The following SH3RF3 variants were observed in gnomAD, a reference collection of about 807,000 sequenced individuals.
SH3RF3 encodes SH3 domain containing ring finger 3.
A neutral mutation model predicts 66.3 loss-of-function variants in SH3RF3; 29 were observed. The ratio of observed to expected loss-of-function variants is 0.44; its 90% CI spans 0.33 to 0.60. The LOEUF is 0.60. Among genes scored for constraint, SH3RF3 ranks in the 20% least tolerant of loss-of-function variants. The pLI is 0.04. For missense variants in SH3RF3, 1,194 were observed against 1,190.9 expected, an observed-to-expected ratio of 1.00 and a Z score of -0.04; for synonymous variants, 583 against 532.0, an observed-to-expected ratio of 1.10 and a Z score of -1.32.
At chr2:109,464,284 T>C (rs1219205206) in intron 8 of SH3RF3, among the ~76,000 whole-genome samples, 4 of 152,136 alleles carry the variant, frequency 2.6e-5, no homozygotes, top group Non-Finnish European at 5.9e-5. Flanking sequence ...ATACACACAT[T>C]CATACATATA....
chr2:109,399,530 CT>C (rs1252158280), intron 4 of SH3RF3, among the ~76,000 whole-genome samples: 2 of 151,660 alleles, frequency 1.3e-5, no homozygotes, highest in Non-Finnish European at 2.9e-5. Flanking sequence ...AATCCTGGGG[CT>C]TTGGGAGGCC....
chr2:109,172,995 G>A (rs1677823642), intron 1 of SH3RF3, among the ~76,000 whole-genome samples: 1 of 152,214 alleles, frequency 6.6e-6, no homozygotes, highest in Non-Finnish European at 1.5e-5. Context: ...TTGTCTTCAC[G>A]CAGATGTCAG....
intron 1 of SH3RF3, among the ~76,000 whole-genome samples, chr2:109,151,860 T>G (rs1328857151): frequency 6.6e-6 from 1 of 152,268 alleles, no homozygotes; most frequent in Non-Finnish European, 1.5e-5. Flanking sequence ...TCCTATGATT[T>G]CCGAATTGTC....
At chr2:109,161,894 A>C (rs1336445158) in intron 1 of SH3RF3, among the ~76,000 whole-genome samples, 1 of 151,712 alleles carries the variant, frequency 6.6e-6, no homozygotes, top group Admixed American at 6.6e-5. Flanking sequence ...ACAAATATCC[A>C]AACTATAGCC....
chr2:109,317,067 T>C (rs1681902867), intron 1 of SH3RF3, among the ~76,000 whole-genome samples: 1 of 152,216 alleles, frequency 6.6e-6, no homozygotes, highest in Admixed American at 6.5e-5. Flanking sequence ...GCTATCTTGG[T>C]GGCTTCCGCA....
intron 1 of SH3RF3, among the ~76,000 whole-genome samples, chr2:109,253,434 G>T (rs535102793): frequency 6.6e-6 from 1 of 152,314 alleles, no homozygotes; most frequent in South Asian, 2.1e-4. Flanking sequence ...GGACGTGGGC[G>T]CTGCTTTCCG....
rs554907632 is a variant in SH3RF3, at chr2:109,331,258, C to T, written c.574-16416C>T. Among the ~76,000 whole-genome samples the T allele has an allele frequency of 9.2e-5, 14 of 152,204 alleles. No homozygotes were observed. The East Asian group carries it at 1.9e-3, about 21-fold the overall frequency. On this transcript the variant is annotated intron_variant, in intron 1 of 9. Coordinates refer to ENST00000309415, the MANE Select transcript of SH3RF3 (RefSeq NM_001099289.3). ...TGTACAGACCCCCACCCGCCTGTCC[C>T]GCAGGGCTGGGTGCCAGAGCAAGAT...
intron 4 of SH3RF3, among the ~76,000 whole-genome samples, chr2:109,417,015 C>T (rs929407276): frequency 3.9e-5 from 6 of 152,300 alleles, no homozygotes; most frequent in East Asian, 1.9e-4. Flanking sequence ...GGGCCAGTTC[C>T]GACTGCCAGG....
chr2:109,349,018 T>C (rs1321883239), intron 2 of SH3RF3, among the ~76,000 whole-genome samples: 1 of 152,120 alleles, frequency 6.6e-6, no homozygotes, highest in Non-Finnish European at 1.5e-5. Flanking sequence ...TGTGTCAGTA[T>C]TTCTCTCTCT....
At chr2:109,365,005 C>G (rs770941599) in intron 2 of SH3RF3, among the ~76,000 whole-genome samples, 2 of 152,070 alleles carry the variant, frequency 1.3e-5, no homozygotes, top group African/African-American at 4.8e-5. Flanking sequence ...GCAGAAGGAT[C>G]GTGAGACTCT....
intron 1 of SH3RF3, among the ~76,000 whole-genome samples, chr2:109,227,886 C>T (rs1012781678): frequency 6.6e-6 from 1 of 152,248 alleles, no homozygotes; most frequent in African/African-American, 2.4e-5. Context: ...TCTGCAACTG[C>T]AGTTCCCTGT....
chr2:109,133,954 G>A (rs1245019689), intron 1 of SH3RF3, among the ~76,000 whole-genome samples: 1 of 152,162 alleles, frequency 6.6e-6, no homozygotes, highest in Admixed American at 6.5e-5. Context: ...GACGTGGAAT[G>A]TTGGTTAGTC....
rs111657252 is a variant in SH3RF3, at chr2:109,129,934, G to A, written c.394G>A (p.Gly132Ser). 4.7e-5 allele frequency: 69 copies of A among 1,481,312 alleles called. 1 individual carries two copies. In the East Asian group the frequency reaches 1.8e-3, roughly 39 times the overall value. 91.8% of individuals were successfully genotyped at this position (1,481,312 alleles called of 1,614,324 possible). The change falls in exon 1 of 10, where the codon GGC (glycine) becomes AGC (serine). Residue 132 changes from glycine (G) to serine (S), a missense_variant. Transcript: ENST00000309415. Reference protein sequence around the residue: ...RQRPRAGTSPGGSPPARPIPG... With the variant: ...RQRPRAGTSPSGSPPARPIPG... Reference sequence around the variant, plus strand: ...GCGGCCCCGCGCGGGCACCAGCCCCGGCGGCAGCCCGCCCGCGCGTCCCAT... The same window carrying A: ...GCGGCCCCGCGCGGGCACCAGCCCCAGCGGCAGCCCGCCCGCGCGTCCCAT...
intron 1 of SH3RF3, among the ~76,000 whole-genome samples, chr2:109,225,592 C>T (rs1208454817): frequency 6.6e-6 from 1 of 152,236 alleles, no homozygotes; most frequent in East Asian, 1.9e-4. Flanking sequence ...ACGTTCCTCT[C>T]TGGGACTTCC....
At position 109,498,559 on chromosome 2, in the gene SH3RF3, T is replaced by C. The variant is rs151025203; in HGVS notation, c.2481-2944T>C. Among the ~76,000 whole-genome samples, 726 of 152,350 alleles carry C rather than the reference T, an allele frequency of 4.8e-3. 9 individuals carry two copies. Among genetic ancestry groups the C allele is most frequent in the African/African-American group, 0.017 (693 of 41,592 alleles). ...TGGGGAAGGGCAAAGGCTTCCTCCCTGAGCATGCACTCAGCTCGATTTTCA... is the reference window on the plus strand; with the variant it reads ...TGGGGAAGGGCAAAGGCTTCCTCCCCGAGCATGCACTCAGCTCGATTTTCA... On this transcript the variant is annotated intron_variant, in intron 9 of 9. Coordinates refer to ENST00000309415, the MANE Select transcript of SH3RF3 (RefSeq NM_001099289.3).
At chr2:109,367,066 C>T (rs1044110401) in intron 2 of SH3RF3, among the ~76,000 whole-genome samples, 1 of 151,012 alleles carries the variant, frequency 6.6e-6, no homozygotes, top group South Asian at 2.1e-4. Context: ...GATTCTCGTG[C>T]CTCACCCTCC....
intron 3 of SH3RF3, among the ~76,000 whole-genome samples, chr2:109,374,091 G>A (rs1033746637): frequency 2.0e-5 from 3 of 152,160 alleles, no homozygotes; most frequent in Admixed American, 6.5e-5. Flanking sequence ...CATGAGGAGG[G>A]CTCCATAGCC....
At chr2:109,280,669 A>G (rs898445780) in intron 1 of SH3RF3, among the ~76,000 whole-genome samples, 4 of 152,242 alleles carry the variant, frequency 2.6e-5, no homozygotes, top group African/African-American at 9.6e-5. Flanking sequence ...CATTCGGGTA[A>G]TGTAAACAAC....
chr2:109,221,256 T>A (rs950216973), intron 1 of SH3RF3, among the ~76,000 whole-genome samples: 2 of 152,168 alleles, frequency 1.3e-5, no homozygotes, highest in African/African-American at 4.8e-5. Context: ...CCATTCTAAC[T>A]GGGTGGAGGT....
Sources: allele counts gnomAD v4.1 joint callset (sites outside exome capture counted in the v4.1 genomes callset), GRCh38; gene constraint gnomAD v4.1.1; transcripts MANE v1.5; gene names NCBI Gene and HGNC (gene_info 2026-07-23, HGNC 2026-07-21).